The following XIST variants were observed in gnomAD, a reference collection of about 807,000 sequenced individuals.
The protein encoded by XIST is X inactive specific transcript (non-protein coding).
At chrX:73,828,867 C>T in intron 5 of XIST, 1 of 353,568 alleles carries the variant, frequency 2.8e-6, no homozygotes, top group Non-Finnish European at 4.9e-6. Flanking sequence ...TTCTGTGATA[C>T]AACTGGTAAG....
exon 1 of XIST, chrX:73,851,654 A>G (rs763147613): frequency 1.4e-5 from 8 of 558,830 alleles, no homozygotes; most frequent in Non-Finnish European, 2.3e-5. Flanking sequence ...CGATACAACA[A>G]TCACGCAAAG....
chrX:73,846,181 C>T (rs1459214023), exon 1 of XIST: 1 of 556,701 alleles, frequency 1.8e-6, no homozygotes, highest in Non-Finnish European at 3.2e-6. Context: ...GCATACCAGG[C>T]CAGGAAAAAG....
At chrX:73,852,618 A>T (rs756166011) in exon 1 of XIST, 4 of 493,063 alleles carry the variant, frequency 8.1e-6, no homozygotes, top group Non-Finnish European at 1.4e-5. Flanking sequence ...ATACGCCATA[A>T]AGGGTGTTGG....
chrX:73,850,765 T>TGGGGGGGGGGG, exon 1 of XIST: 1 of 128,970 alleles, frequency 7.8e-6, no homozygotes, highest in Non-Finnish European at 1.4e-5. Flanking sequence ...GGTTGGGGGG[T>TGGGGGGGGGGG]GGGGGGGGAG....
chrX:73,852,407 G>A (rs1434320750), exon 1 of XIST: 3 of 546,421 alleles, frequency 5.5e-6, no homozygotes, highest in African/African-American at 4.5e-5. Flanking sequence ...GAGAGTGGAA[G>A]AGTAAAAAAC....
chrX:73,824,336 T>G (rs1407743361), exon 6 of XIST: 1 of 525,315 alleles, frequency 1.9e-6, no homozygotes, highest in African/African-American at 2.3e-5. Context: ...ATAATAACTA[T>G]CATACAATTT....
chrX:73,821,494 A>G (rs774543537), exon 6 of XIST: 2 of 555,320 alleles, frequency 3.6e-6, no homozygotes, highest in African/African-American at 4.5e-5. Flanking sequence ...CAAAAATAAT[A>G]CTTTTCAAAA....
intron 1 of XIST, among the ~76,000 whole-genome samples, chrX:73,840,699 G>A (rs1405139091): frequency 9.0e-6 from 1 of 111,309 alleles, no homozygotes; most frequent in Admixed American, 9.6e-5. Context: ...ATTGTGGAAG[G>A]AGCCGAAGTA....
chrX:73,848,155 G>A (rs1317019503), exon 1 of XIST: 1 of 556,494 alleles, frequency 1.8e-6, no homozygotes, highest in Non-Finnish European at 3.2e-6. Flanking sequence ...GAGCAGTTGG[G>A]ATCTTAATTT....
At chrX:73,849,800 G>A (rs1164568282) in exon 1 of XIST, 2 of 504,507 alleles carry the variant, frequency 4.0e-6, no homozygotes, top group Non-Finnish European at 7.1e-6. Flanking sequence ...TGACTTTCGA[G>A]AGAAGCTGGG....
Position 73,821,266 on chromosome X carries a change from C to CTA in XIST, n.18633_18634dup, listed in dbSNP as rs918423535. On this transcript the variant is annotated non_coding_transcript_exon_variant, in exon 6 of 6. Coordinates refer to ENST00000429829, the Ensembl canonical transcript of XIST. ...CCACCAATCATACTTTGACATTTATCTATTTCCTTCTCCACTTATGGATGT... is the reference window on the plus strand; with the variant it reads ...CCACCAATCATACTTTGACATTTATCTATATTTCCTTCTCCACTTATGGATGT... 3 of 554,302 alleles carry CTA rather than the reference C, an allele frequency of 5.4e-6. No homozygotes were observed. The African/African-American group carries it at 6.7e-5, about 12-fold the overall frequency. 45.7% of individuals were successfully genotyped at this position (554,302 alleles called of 1,213,427 possible).
exon 1 of XIST, chrX:73,846,152 G>A (rs928895337): frequency 7.9e-5 from 43 of 547,034 alleles, no homozygotes; most frequent in Middle Eastern, 6.2e-4. Flanking sequence ...CACAGGAACC[G>A]GGACAAACAT....
At chrX:73,850,687 G>C (rs1475443284) in exon 1 of XIST, 2 of 285,921 alleles carry the variant, frequency 7.0e-6, no homozygotes, top group Non-Finnish European at 6.2e-6. Context: ...ACCAGAGGGG[G>C]GTAGGGGGGT....
intron 4 of XIST, chrX:73,829,241 A>G (rs1291024334): frequency 1.8e-6 from 1 of 550,159 alleles, no homozygotes; most frequent in African/African-American, 2.2e-5. Context: ...GCTATAAAAA[A>G]ACATGAGATA....
At chrX:73,830,729 A>G (rs7879153) in intron 4 of XIST, among the ~76,000 whole-genome samples, 10,451 of 111,699 alleles carry the variant, frequency 0.094, 612 homozygotes, top group African/African-American at 0.21. Context: ...TGGGGACCAC[A>G]TGGAACAGAA....
chrX:73,833,244 C>T (rs1329021775), exon 3 of XIST: 2 of 553,725 alleles, frequency 3.6e-6, no homozygotes, highest in Non-Finnish European at 6.5e-6. Flanking sequence ...CTACCTTTTT[C>T]TCCAGATAGC....
chrX:73,827,402 G>A (rs749370295), exon 6 of XIST: 12 of 554,168 alleles, frequency 2.2e-5, no homozygotes, highest in Non-Finnish European at 2.0e-5. Context: ...TCAAAGGTGA[G>A]TAGAAAGGGA....
At chrX:73,846,379 A>C (rs1485017634) in exon 1 of XIST, 1 of 559,312 alleles carries the variant, frequency 1.8e-6, no homozygotes, top group African/African-American at 2.2e-5. Flanking sequence ...CCCTGCTGGA[A>C]GGGAAAGGTG....
chrX:73,824,394 T>A, exon 6 of XIST: 1 of 550,281 alleles, frequency 1.8e-6, no homozygotes, highest in Non-Finnish European at 3.3e-6. Flanking sequence ...CAGTTACATT[T>A]ATATGGTGCC....
Sources: allele counts gnomAD v4.1 joint callset (sites outside exome capture counted in the v4.1 genomes callset), GRCh38; gene constraint gnomAD v4.1.1; transcripts MANE v1.5; gene names NCBI Gene and HGNC (gene_info 2026-07-23, HGNC 2026-07-21).